The following CAB39 variants were observed in gnomAD, a reference collection of about 807,000 sequenced individuals.
The protein encoded by CAB39 is calcium binding protein 39.
CAB39 carries 8 observed loss-of-function variants against 40.0 expected under a neutral mutation model. The ratio of observed to expected loss-of-function variants is 0.20; its 90% CI spans 0.12 to 0.36. The LOEUF is 0.36. CAB39 is among the 10% of genes least tolerant of loss of function. The probability of loss-of-function intolerance (pLI) is 1.00; values close to 1 mark genes in which losing one functional copy is unlikely to be tolerated. For synonymous variants in CAB39, 156 were observed against 141.6 expected, an observed-to-expected ratio of 1.10 and a Z score of -0.72; for missense variants, 270 against 401.1, an observed-to-expected ratio of 0.67 and a Z score of 2.79.
intron 2 of CAB39, among the ~76,000 whole-genome samples, chr2:230,770,943 G>A (rs1177289020): frequency 1.3e-5 from 2 of 152,142 alleles, no homozygotes; most frequent in East Asian, 3.8e-4. Flanking sequence ...TTATACATAT[G>A]GTGAAAGGCT....
chr2:230,780,678 T>C (rs754485145), intron 2 of CAB39, among the ~76,000 whole-genome samples: 13 of 152,226 alleles, frequency 8.5e-5, no homozygotes, highest in Admixed American at 1.3e-4. Flanking sequence ...TTTCATTGCA[T>C]CAGTTCAGGA....
At chr2:230,742,721 A>G (rs1185650140) in intron 1 of CAB39, among the ~76,000 whole-genome samples, 5 of 152,226 alleles carry the variant, frequency 3.3e-5, no homozygotes, top group Non-Finnish European at 7.3e-5. Flanking sequence ...GTTCATTGTC[A>G]TTAATGATTG....
chr2:230,739,504 C>A (rs1559593663), intron 1 of CAB39, among the ~76,000 whole-genome samples: 2 of 151,816 alleles, frequency 1.3e-5, no homozygotes, highest in African/African-American at 4.8e-5. Flanking sequence ...AATTTGAAGT[C>A]TTTTTTTTGA....
At chr2:230,722,216 A>G (rs1401628109) in intron 1 of CAB39, among the ~76,000 whole-genome samples, 1 of 152,236 alleles carries the variant, frequency 6.6e-6, no homozygotes, top group Non-Finnish European at 1.5e-5. Context: ...AATGCTTTTT[A>G]TGAACTACTA....
intron 5 of CAB39, among the ~76,000 whole-genome samples, chr2:230,805,917 C>G (rs1696184880): frequency 1.3e-5 from 2 of 152,090 alleles, no homozygotes; most frequent in Non-Finnish European, 2.9e-5. Flanking sequence ...TAAAAGGTGA[C>G]AAGGCATACT....
intron 1 of CAB39, among the ~76,000 whole-genome samples, chr2:230,715,579 G>A (rs1479800243): frequency 1.3e-5 from 2 of 152,182 alleles, no homozygotes; most frequent in African/African-American, 4.8e-5. Flanking sequence ...CTCTACACTA[G>A]GGCCATCCAT....
intron 1 of CAB39, among the ~76,000 whole-genome samples, chr2:230,759,662 T>C (rs1212068404): frequency 6.6e-6 from 1 of 152,172 alleles, no homozygotes; most frequent in Non-Finnish European, 1.5e-5. Context: ...GAGCTGCTGC[T>C]CTCTACCTCA....
intron 1 of CAB39, among the ~76,000 whole-genome samples, chr2:230,751,797 AC>A: frequency 6.6e-6 from 1 of 151,942 alleles, no homozygotes; most frequent in African/African-American, 2.4e-5. Flanking sequence ...CAGTACCAAA[AC>A]CCCCCACAAA....
intron 1 of CAB39, among the ~76,000 whole-genome samples, chr2:230,747,399 G>A (rs980998482): frequency 6.6e-6 from 1 of 152,214 alleles, no homozygotes; most frequent in African/African-American, 2.4e-5. Flanking sequence ...CATTGCCCAT[G>A]GAACTGTTTC....
chr2:230,768,087 T>C (rs1353833309), intron 2 of CAB39, among the ~76,000 whole-genome samples: 1 of 152,220 alleles, frequency 6.6e-6, no homozygotes, highest in Non-Finnish European at 1.5e-5. Flanking sequence ...AATAGTTGTA[T>C]TTATTGAAAA....
intron 1 of CAB39, among the ~76,000 whole-genome samples, chr2:230,742,834 G>A (rs1694906669): frequency 6.6e-6 from 1 of 150,594 alleles, no homozygotes; most frequent in South Asian, 2.1e-4. Flanking sequence ...AGGTCCTAGT[G>A]TTGATTAGCT....
intron 2 of CAB39, among the ~76,000 whole-genome samples, chr2:230,760,600 A>G (rs775997554): frequency 3.3e-5 from 5 of 152,218 alleles, no homozygotes; most frequent in Non-Finnish European, 5.9e-5. Context: ...CTTGAGAGCT[A>G]TAAGTGCCAC....
chr2:230,714,558 A>G (rs2459925), intron 1 of CAB39, among the ~76,000 whole-genome samples: 43,632 of 152,174 alleles, frequency 0.29, 7,430 homozygotes, highest in East Asian at 0.46. Flanking sequence ...TGCACTTTGT[A>G]TTAGGCGTAT....
chr2:230,787,508 G>A (rs565694842), intron 2 of CAB39, among the ~76,000 whole-genome samples: 4 of 152,194 alleles, frequency 2.6e-5, no homozygotes, highest in Non-Finnish European at 5.9e-5. Context: ...CTTCATTGCA[G>A]TGTCATTCGC....
intron 2 of CAB39, among the ~76,000 whole-genome samples, chr2:230,761,728 C>G (rs1177068907): frequency 6.6e-6 from 1 of 152,116 alleles, no homozygotes; most frequent in Non-Finnish European, 1.5e-5. Context: ...TGATCTTAAG[C>G]TTACCCAGCT....
intron 1 of CAB39, among the ~76,000 whole-genome samples, chr2:230,728,471 A>C (rs1005195434): frequency 1.3e-5 from 2 of 151,768 alleles, no homozygotes; most frequent in African/African-American, 4.8e-5. Flanking sequence ...CACCATGCCC[A>C]GCTAATTTTT....
Position 230,810,298 on chromosome 2 carries a change from A to AT in CAB39, c.608dup (p.Leu203PhefsTer6). On this transcript the variant is annotated frameshift_variant, in exon 6 of 9. Coordinates refer to ENST00000258418, the MANE Select transcript of CAB39 (RefSeq NM_016289.4). LOFTEE classifies it high-confidence loss of function. ...CAAGACATAAATTGCTCAGTGCAGA[A>AT]TTTTTGGAACAGCATTATGATAGAG... 1.4e-6 allele frequency: 2 copies of AT among 1,440,512 alleles called. No homozygotes were observed. Among genetic ancestry groups the AT allele is most frequent in the Non-Finnish European group, 1.9e-6 (2 of 1,049,308 alleles). The allele number at this position is 1,440,512 out of a possible 1,614,324, so 89.2% of individuals were successfully genotyped here.
intron 4 of CAB39, among the ~76,000 whole-genome samples, chr2:230,794,276 CTCTT>C (rs745818835): frequency 2.0e-5 from 3 of 152,126 alleles, no homozygotes; most frequent in African/African-American, 7.2e-5. Flanking sequence ...TTCTGTTTCC[CTCTT>C]TCTATTTCTA....
At chr2:230,791,092 C>T (rs1695885688) in intron 3 of CAB39, 56 bp downstream of exon 3, 2 of 1,255,250 alleles carry the variant, frequency 1.6e-6, no homozygotes, top group South Asian at 1.5e-5. Context: ...AATTCTTTTC[C>T]ATACGTTCTC....
Sources: allele counts gnomAD v4.1 joint callset (sites outside exome capture counted in the v4.1 genomes callset), GRCh38; gene constraint gnomAD v4.1.1; transcripts MANE v1.5; gene names NCBI Gene and HGNC (gene_info 2026-07-23, HGNC 2026-07-21).